ZNF239: variants seen among roughly 807,000 people sequenced by gnomAD.
The protein encoded by ZNF239 is zinc finger protein (C2H2) homologous to mouse MOK-2.
Under a neutral mutation model 27.5 loss-of-function variants are expected in ZNF239, and 16 were observed. That is an observed-to-expected ratio of 0.58 (90% CI 0.39 to 0.88). ZNF239 has a LOEUF of 0.88. ZNF239 is among the 40% of genes least tolerant of loss of function. The probability of loss-of-function intolerance (pLI) is 0.00; values close to 1 mark genes in which losing one functional copy is unlikely to be tolerated. For missense variants in ZNF239, 527 were observed against 551.9 expected (o/e 0.95, Z 0.45); for synonymous variants, 199 against 192.6 (o/e 1.03, Z -0.27).
intron 3 of ZNF239, among the ~76,000 whole-genome samples, chr10:43,559,546 A>G (rs1379248844): frequency 1.3e-5 from 2 of 152,222 alleles, no homozygotes; most frequent in Non-Finnish European, 2.9e-5. Flanking sequence ...ACTGCCTTGT[A>G]TAATCTGTGG....
chr10:43,558,205 A>G (rs1836949746), intron 3 of ZNF239, 34 bp from the exon 4 acceptor site: 3 of 1,454,110 alleles, frequency 2.1e-6, no homozygotes, highest in South Asian at 3.0e-5. Flanking sequence ...GGTAAGAACA[A>G]AGGGTAGACT....
At chr10:43,558,834 T>G (rs1478547652) in intron 3 of ZNF239, among the ~76,000 whole-genome samples, 1 of 152,220 alleles carries the variant, frequency 6.6e-6, no homozygotes, top group Non-Finnish European at 1.5e-5. Flanking sequence ...TAAATCCTTT[T>G]GCTTAACAAG....
At chr10:43,568,689 C>T (rs1564467152) in intron 2 of ZNF239, among the ~76,000 whole-genome samples, 1 of 152,336 alleles carries the variant, frequency 6.6e-6, no homozygotes, top group African/African-American at 2.4e-5. Flanking sequence ...TAACCTCTTA[C>T]CTCACCTCCA....
intron 2 of ZNF239, 198 bp from the exon 3 acceptor site, chr10:43,568,219 T>A (rs1837809693): frequency 2.0e-6 from 2 of 985,340 alleles, no homozygotes; most frequent in South Asian, 9.4e-5. Context: ...ATCCAAATCA[T>A]TTCCCTCCTG....
In ZNF239 at chr10:43,556,598, C is replaced by A; in HGVS notation, c.*105G>T. On this transcript the variant is annotated 3_prime_UTR_variant, in exon 4 of 4. Coordinates refer to ENST00000374446, the MANE Select transcript of ZNF239 (RefSeq NM_001099282.2). ...TCAGTGAGGGAACATATCTAAATAA[C>A]CCTTACATCTCTCTCCTTTGTAGAA... is the stretch of plus-strand genomic sequence containing the variant. The A allele has an allele frequency of 7.1e-7, 1 of 1,403,066 alleles. No homozygotes were observed. Among genetic ancestry groups the A allele is most frequent in the Middle Eastern group, 2.6e-4 (1 of 3,808 alleles). 86.9% of individuals were successfully genotyped at this position (1,403,066 alleles called of 1,614,324 possible).
chr10:43,568,709 T>C (rs1837844482), intron 2 of ZNF239, among the ~76,000 whole-genome samples: 1 of 151,584 alleles, frequency 6.6e-6, no homozygotes, highest in African/African-American at 2.4e-5. Context: ...AGACTCCACC[T>C]TTCTACCTTT....
intron 2 of ZNF239, among the ~76,000 whole-genome samples, chr10:43,571,791 A>T (rs906451481): frequency 6.6e-6 from 1 of 152,134 alleles, no homozygotes; most frequent in Non-Finnish European, 1.5e-5. Flanking sequence ...TCCTGACCTC[A>T]GGTGATCCTC....
chr10:43,564,689 C>A (rs1837510854), intron 3 of ZNF239, among the ~76,000 whole-genome samples: 1 of 151,944 alleles, frequency 6.6e-6, no homozygotes. Context: ...GCCACCAGGC[C>A]CGGCTAATTT....
At position 43,558,143 on chromosome 10, in the gene ZNF239, A is replaced by G; in HGVS notation, c.-64T>C. On this transcript the variant is annotated 5_prime_UTR_variant, in exon 4 of 4. Transcript: ENST00000374446. ...GATCCTGAAGTGTTTTCTGCTGAAG[A>G]TTCTCCACAGAATTTTCATTCAAGT... 1 of 1,507,618 alleles carries G rather than the reference A, an allele frequency of 6.6e-7. No homozygotes were observed. The highest frequency in any genetic ancestry group is 8.9e-7 in the Non-Finnish European group (1 of 1,127,816). The allele number at this position is 1,507,618 out of a possible 1,614,324, so 93.4% of individuals were successfully genotyped here.
Position 43,557,904 on chromosome 10 carries a change from T to C in ZNF239, c.176A>G (p.Glu59Gly). Residue 59 changes from glutamate to glycine, a missense_variant, in exon 4 of 4, where the codon GAA becomes GGA. Coordinates refer to ENST00000374446, the MANE Select transcript of ZNF239 (RefSeq NM_001099282.2). ...TTTCAAAGGCAAATATGTTTCACTT[T>C]CAATGTTTTCGAAACAACCACTTTG... The part of the protein sequence containing the change: ...TLQSGCFENI[E>G]SETYLPLKVS... 2 of 1,614,234 alleles carry C rather than the reference T, an allele frequency of 1.2e-6. No homozygotes were observed. Among genetic ancestry groups the C allele is most frequent in the Non-Finnish European group, 1.7e-6 (2 of 1,180,040 alleles).
intron 3 of ZNF239, among the ~76,000 whole-genome samples, chr10:43,560,064 A>G (rs1837112492): frequency 6.6e-6 from 1 of 152,238 alleles, no homozygotes; most frequent in Non-Finnish European, 1.5e-5. Context: ...AATTCAACTT[A>G]GGCATTCCTA....
At chr10:43,562,954 G>A (rs1837369411) in intron 3 of ZNF239, among the ~76,000 whole-genome samples, 1 of 152,128 alleles carries the variant, frequency 6.6e-6, no homozygotes, top group African/African-American at 2.4e-5. Context: ...GAATGGGGGA[G>A]GAATTTTATG....
chr10:43,566,936 G>A (rs1262683710), intron 3 of ZNF239, among the ~76,000 whole-genome samples: 1 of 152,078 alleles, frequency 6.6e-6, no homozygotes, highest in East Asian at 1.9e-4. Flanking sequence ...TAGTCAAAAA[G>A]TGTTTTATCT....
chr10:43,567,598 C>T (rs1837767955), intron 3 of ZNF239, among the ~76,000 whole-genome samples: 1 of 152,158 alleles, frequency 6.6e-6, no homozygotes, highest in Admixed American at 6.6e-5. Context: ...ATGCCTGGTG[C>T]TCTTTGAGGT....
In ZNF239 at chr10:43,573,265, C is replaced by T. The variant is rs140043530; in HGVS notation, c.-216+372G>A. On this transcript the variant is annotated intron_variant, in intron 2 of 3. Coordinates refer to ENST00000374446, the MANE Select transcript of ZNF239 (RefSeq NM_001099282.2). ...ATGGTAAGCTCCTTGAAGAAAAGCA[C>T]CGTGGTTTATCATTCTATCTGTTTT... Among the ~76,000 whole-genome samples the T allele has an allele frequency of 2.1e-3, 315 of 152,316 alleles. 2 individuals carry two copies. Among genetic ancestry groups the T allele is most frequent in the Middle Eastern group, 3.4e-3 (1 of 294 alleles).
intron 3 of ZNF239, among the ~76,000 whole-genome samples, chr10:43,560,845 A>G (rs1219933601): frequency 1.3e-5 from 2 of 152,092 alleles, no homozygotes; most frequent in Non-Finnish European, 2.9e-5. Flanking sequence ...AAGGAGACCA[A>G]CAGAATTTAA....
intron 2 of ZNF239, chr10:43,570,087 G>T: frequency 1.3e-6 from 1 of 750,134 alleles, no homozygotes; most frequent in Non-Finnish European, 1.6e-6. Flanking sequence ...TCATAAATTT[G>T]ATCAGCTAAG....
intron 3 of ZNF239, among the ~76,000 whole-genome samples, chr10:43,567,653 GA>G (rs1426880246): frequency 6.6e-6 from 1 of 152,176 alleles, no homozygotes; most frequent in Non-Finnish European, 1.5e-5. Flanking sequence ...CCATCTGAGA[GA>G]TCACATTTCA....
chr10:43,560,967 G>A (rs973277353), intron 3 of ZNF239, among the ~76,000 whole-genome samples: 1 of 152,056 alleles, frequency 6.6e-6, no homozygotes, highest in Admixed American at 6.5e-5. Flanking sequence ...TAAATAAAAT[G>A]ACTGAAGATG....
Sources: gnomAD v4.1 joint callset for allele counts (sites outside exome capture counted in the v4.1 genomes callset) on GRCh38, gnomAD v4.1.1 for gene constraint, MANE v1.5 for transcripts, NCBI Gene and HGNC (gene_info 2026-07-23, HGNC 2026-07-21) for gene names.